The following AAK1 variants were observed in gnomAD, a reference collection of about 807,000 sequenced individuals.
The protein encoded by AAK1 is AP2-associated protein kinase 1.
A neutral mutation model predicts 116.0 loss-of-function variants in AAK1; 37 were observed. The ratio of observed to expected loss-of-function variants is 0.32; its 90% CI spans 0.25 to 0.42. The LOEUF is 0.42. AAK1 is among the 10% of genes least tolerant of loss of function. The probability of loss-of-function intolerance (pLI) is 1.00; values close to 1 mark genes in which losing one functional copy is unlikely to be tolerated. For synonymous variants in AAK1, 458 were observed against 439.9 expected (o/e 1.04, Z -0.51); for missense variants, 919 against 1,170.6 (o/e 0.79, Z 3.14).
chr2:69,512,059 A>T (rs1167139077), intron 13 of AAK1, among the ~76,000 whole-genome samples: 2 of 152,200 alleles, frequency 1.3e-5, no homozygotes, highest in South Asian at 2.1e-4. Flanking sequence ...CTGGAAGCAG[A>T]GCCCATGTCT....
At chr2:69,586,965 T>C (rs1371696866) in intron 2 of AAK1, among the ~76,000 whole-genome samples, 2 of 152,174 alleles carry the variant, frequency 1.3e-5, no homozygotes, top group Non-Finnish European at 2.9e-5. Context: ...AGTAATCTTC[T>C]AATCTTCAAG....
chr2:69,469,544 T>C lies in AAK1; in HGVS notation c.*6325A>G. Reference sequence around the variant, plus strand: ...AAGGATTTATACTAACCTAACCACATGCCTTGACCCAGTTCCTTTGGTAAC... The same window carrying C: ...AAGGATTTATACTAACCTAACCACACGCCTTGACCCAGTTCCTTTGGTAAC... On this transcript the variant is annotated 3_prime_UTR_variant, in exon 22 of 22. Coordinates refer to ENST00000409085, the MANE Select transcript of AAK1 (RefSeq NM_014911.5). 1 of 985,418 alleles carries C rather than the reference T, an allele frequency of 1.0e-6. No individual in the cohort carries two copies. The highest frequency in any genetic ancestry group is 1.2e-6 in the Non-Finnish European group (1 of 829,926). 61.0% of individuals were successfully genotyped at this position (985,418 alleles called of 1,614,324 possible).
chr2:69,574,706 C>T (rs1160334987), intron 2 of AAK1, among the ~76,000 whole-genome samples: 1 of 152,042 alleles, frequency 6.6e-6, no homozygotes, highest in Non-Finnish European at 1.5e-5. Context: ...GATGGTGGCT[C>T]ATGCCCATAA....
chr2:69,482,575 T>C lies in AAK1; in HGVS notation c.2467+136A>G, dbSNP rs573208706. On this transcript the variant is annotated intron_variant, in intron 18 of 21. Transcript: ENST00000409085. ...AAGGAAAACACTTCATTTGGAGTGA[T>C]ACAAGTGAGATTAAATAGCCTTGGC... 61 of 766,764 alleles carry C rather than the reference T, an allele frequency of 8.0e-5. 2 individuals are homozygous for C. In the South Asian group the frequency reaches 8.5e-4, roughly 11 times the overall value. The allele number at this position is 766,764 out of a possible 1,614,324, so 47.5% of individuals were successfully genotyped here.
chr2:69,511,948 CACTTAGAATCAA>C (rs1428695723), intron 13 of AAK1, among the ~76,000 whole-genome samples: 1 of 152,184 alleles, frequency 6.6e-6, no homozygotes, highest in African/African-American at 2.4e-5. Context: ...GTTATACTTC[CACTTAGAATCAA>C]AGAATGTGAG....
chr2:69,518,578 C>T (rs1676687736), intron 12 of AAK1, among the ~76,000 whole-genome samples: 1 of 151,876 alleles, frequency 6.6e-6, no homozygotes, highest in African/African-American at 2.4e-5. Flanking sequence ...GCCACCATGC[C>T]CAGCTAATTT....
intron 2 of AAK1, among the ~76,000 whole-genome samples, chr2:69,632,165 T>C (rs564351232): frequency 4.6e-5 from 7 of 152,326 alleles, no homozygotes; most frequent in Non-Finnish European, 7.3e-5. Flanking sequence ...ACAGAACATC[T>C]GAATTATTTA....
intron 2 of AAK1, among the ~76,000 whole-genome samples, chr2:69,637,212 GAC>G (rs1198373191): frequency 6.6e-6 from 1 of 152,140 alleles, no homozygotes; most frequent in Non-Finnish European, 1.5e-5. Flanking sequence ...CATTTTTGAA[GAC>G]ACACCTCAAA....
intron 2 of AAK1, among the ~76,000 whole-genome samples, chr2:69,582,916 C>T (rs1169356604): frequency 4.6e-5 from 7 of 152,198 alleles, no homozygotes; most frequent in African/African-American, 1.7e-4. Flanking sequence ...CCCATATTAC[C>T]CCTACAGGGT....
rs1454552225 is a variant in AAK1 at position 69,530,038 on chromosome 2, G to A, written c.841C>T (p.Arg281Ter). 1.2e-6 allele frequency: 2 copies of A among 1,601,020 alleles called. No individual in the cohort carries two copies. The highest frequency in any genetic ancestry group is 1.7e-6 in the Non-Finnish European group (2 of 1,173,804). Residue 281 changes from arginine to a stop codon, truncating the protein, a stop_gained, in exon 8 of 22, where the codon CGA (arginine) becomes TGA (stop). Transcript: ENST00000409085. LOFTEE classifies it high-confidence loss of function. The stretch of plus-strand genomic sequence containing the variant: ...AGGCAGTGCATGTCTTGAGAATATC[G>A]AGAATTATCAGGAATTGTGAAGTTT... Reference protein sequence around the residue: ...DGNFTIPDNSRYSQDMHCLIR... With the variant: ...DGNFTIPDNS
intron 19 of AAK1, among the ~76,000 whole-genome samples, chr2:69,480,260 C>CCA: frequency 1.5e-5 from 1 of 68,078 alleles, no homozygotes; most frequent in South Asian, 4.8e-4. Context: ...GAATTATGGA[C>CCA]AAAAAAAAAA....
intron 2 of AAK1, among the ~76,000 whole-genome samples, chr2:69,570,143 C>T (rs1672035171): frequency 6.6e-6 from 1 of 152,016 alleles, no homozygotes; most frequent in South Asian, 2.1e-4. Flanking sequence ...ATTGCCCTTT[C>T]CTCACTCAGC....
chr2:69,631,100 C>T (rs1286894313), intron 2 of AAK1, among the ~76,000 whole-genome samples: 2 of 152,222 alleles, frequency 1.3e-5, no homozygotes, highest in African/African-American at 4.8e-5. Flanking sequence ...CCTGCCATCT[C>T]AGTAAATGCT....
At chr2:69,587,361 A>C (rs1234234471) in intron 2 of AAK1, among the ~76,000 whole-genome samples, 1 of 126,826 alleles carries the variant, frequency 7.9e-6, no homozygotes, top group Non-Finnish European at 1.6e-5. Flanking sequence ...ATATACACAT[A>C]TGCGTGTACA....
intron 2 of AAK1, chr2:69,598,032 T>G: frequency 2.4e-6 from 1 of 410,042 alleles, no homozygotes; most frequent in Non-Finnish European, 4.2e-6. Flanking sequence ...GACAAAATGT[T>G]AGCACTGTGC....
intron 2 of AAK1, among the ~76,000 whole-genome samples, chr2:69,564,497 T>A (rs988081949): frequency 1.3e-5 from 2 of 152,164 alleles, no homozygotes; most frequent in Non-Finnish European, 2.9e-5. Flanking sequence ...GGTATAAGTA[T>A]TTTATAAAGA....
chr2:69,495,087 A>C (rs1675686389), intron 17 of AAK1, among the ~76,000 whole-genome samples: 1 of 152,198 alleles, frequency 6.6e-6, no homozygotes, highest in Non-Finnish European at 1.5e-5. Flanking sequence ...AACAATGGGA[A>C]AAAAGGAAAA....
intron 18 of AAK1, 34 bp from the exon 19 acceptor site, chr2:69,480,995 TA>T: frequency 6.6e-7 from 1 of 1,520,296 alleles, no homozygotes; most frequent in Non-Finnish European, 9.0e-7. Flanking sequence ...GAGGAAAGGG[TA>T]AGGGAAAGGG....
intron 9 of AAK1, among the ~76,000 whole-genome samples, chr2:69,525,396 A>T (rs1242977096): frequency 6.6e-6 from 1 of 152,192 alleles, no homozygotes; most frequent in Non-Finnish European, 1.5e-5. Context: ...TACCATGGTG[A>T]GTCACTGGGG....
Sources: gnomAD v4.1 joint callset for allele counts (sites outside exome capture counted in the v4.1 genomes callset) on GRCh38, gnomAD v4.1.1 for gene constraint, MANE v1.5 for transcripts, NCBI Gene and HGNC (gene_info 2026-07-23, HGNC 2026-07-21) for gene names.